The following DOCK10 variants were observed in gnomAD, a reference collection of about 807,000 sequenced individuals.
The protein encoded by DOCK10 is dedicator of cytokinesis protein 10.
A neutral mutation model predicts 280.1 loss-of-function variants in DOCK10; 145 were observed. The observed-to-expected ratio is 0.52, with a 90% CI of 0.45 to 0.59. The LOEUF (loss-of-function observed/expected upper bound fraction) is 0.59. Ranked by LOEUF, DOCK10 falls within the 20% of genes least tolerant of loss-of-function variation. The pLI, the probability that DOCK10 is intolerant of heterozygous loss-of-function variation, is 0.00. For missense variants in DOCK10, 2,368 were observed against 2,651.7 expected (o/e 0.89, Z 2.35); for synonymous variants, 915 against 942.2 (o/e 0.97, Z 0.53).
At chr2:224,952,688 G>A (rs1275367927) in intron 1 of DOCK10, among the ~76,000 whole-genome samples, 6 of 150,124 alleles carry the variant, frequency 4.0e-5, no homozygotes, top group Admixed American at 1.3e-4. Context: ...CGCCTCCCGG[G>A]TTCACGCCAT....
At chr2:224,874,378 T>C (rs1698497053) in intron 9 of DOCK10, 29 bp from the exon 10 acceptor site, 1 of 1,544,604 alleles carries the variant, frequency 6.5e-7, no homozygotes, top group African/African-American at 1.4e-5. Context: ...TAGTCCTTGG[T>C]ATCTAAATAT....
rs192097338 is a variant in DOCK10 at position 224,792,378 on chromosome 2, G to C, written c.5311+596C>G. 9.9e-5 allele frequency among the ~76,000 whole-genome samples: 15 copies of C among 152,196 alleles called. No homozygotes were observed. In the East Asian group the frequency reaches 2.9e-3, roughly 29 times the overall value. On this transcript the variant is annotated intron_variant, in intron 47 of 55. Transcript: ENST00000258390. ...GGCTCACTGCAACCTCCGCCTCCTG[G>C]GTTCAAGTGATTCTCCTGCTTCAGT...
intron 14 of DOCK10, 149 bp downstream of exon 14, chr2:224,862,515 C>A: frequency 1.6e-6 from 1 of 637,636 alleles, no homozygotes; most frequent in Non-Finnish European, 2.8e-6. Context: ...CTCAGAGAAG[C>A]TCAAGATGTT....
chr2:225,009,177 C>G (rs1258659923), intron 1 of DOCK10, among the ~76,000 whole-genome samples: 1 of 152,112 alleles, frequency 6.6e-6, no homozygotes, highest in African/African-American at 2.4e-5. Flanking sequence ...GTAAGGGGGT[C>G]ACAGATTAGG....
chr2:224,855,472 G>A (rs1407430578), intron 15 of DOCK10, among the ~76,000 whole-genome samples: 1 of 152,158 alleles, frequency 6.6e-6, no homozygotes, highest in Admixed American at 6.6e-5. Context: ...CAATCGCTAA[G>A]TGGATGGTCC....
chr2:224,830,509 A>T, intron 27 of DOCK10, 32 bp downstream of exon 27: 1 of 1,158,750 alleles, frequency 8.6e-7, no homozygotes, highest in Non-Finnish European at 1.2e-6. Context: ...TATTGTAAAA[A>T]TATTATAATA....
In DOCK10 at chr2:224,944,432, CACTTGTA is replaced by C. The variant is rs779271229; in HGVS notation, c.124-12771_124-12765del. Among the ~76,000 whole-genome samples, 10 of 152,214 alleles carry C rather than the reference CACTTGTA, an allele frequency of 6.6e-5. No individual in the cohort carries two copies. The South Asian group carries it at 1.2e-3, about 19-fold the overall frequency. ...TACACAACACTTGTAACTTTGGCAA[CACTTGTA>C]ACTTGTAACTGTTCAAGTTACACAA... is the stretch of plus-strand genomic sequence containing the variant. On this transcript the variant is annotated intron_variant, in intron 1 of 55. Coordinates refer to ENST00000258390, the MANE Select transcript of DOCK10 (RefSeq NM_014689.3).
chr2:224,984,786 G>C (rs930279033), intron 1 of DOCK10, among the ~76,000 whole-genome samples: 3 of 151,810 alleles, frequency 2.0e-5, no homozygotes, highest in Admixed American at 2.0e-4. Context: ...TGGGTTGTGG[G>C]AGACACAGAA....
chr2:224,865,916 C>T (rs2125634580), intron 11 of DOCK10, among the ~76,000 whole-genome samples: 1 of 152,074 alleles, frequency 6.6e-6, no homozygotes, highest in East Asian at 1.9e-4. Flanking sequence ...CTCTCTCTCT[C>T]TCTAACAGTC....
chr2:224,836,403 T>C (rs1695595659), intron 25 of DOCK10, among the ~76,000 whole-genome samples: 1 of 152,240 alleles, frequency 6.6e-6, no homozygotes, highest in South Asian at 2.1e-4. Context: ...GTGAAATAAC[T>C]ATTTTTGGCA....
At chr2:224,999,542 G>A (rs546325863) in intron 1 of DOCK10, among the ~76,000 whole-genome samples, 17 of 141,540 alleles carry the variant, frequency 1.2e-4, no homozygotes, top group African/African-American at 4.4e-4. Flanking sequence ...TCTATTTAAT[G>A]AAAATTTACT....
intron 2 of DOCK10, among the ~76,000 whole-genome samples, chr2:224,927,669 CTTTTTCATCCATAAAAGGGCATGAG>C: frequency 6.6e-6 from 1 of 152,186 alleles, no homozygotes; most frequent in African/African-American, 2.4e-5. Flanking sequence ...AATCAACTTG[CTTTTTCATCCATAAAAGGGCATGAG>C]CTCCTTAAAC....
chr2:225,025,489 T>C (rs552951201), intron 1 of DOCK10, among the ~76,000 whole-genome samples: 48 of 152,264 alleles, frequency 3.2e-4, no homozygotes, highest in Non-Finnish European at 6.0e-4. Flanking sequence ...TATTTAGAAA[T>C]GGTAGAAATG....
chr2:224,933,334 C>A (rs1294870230), intron 1 of DOCK10, among the ~76,000 whole-genome samples: 1 of 152,186 alleles, frequency 6.6e-6, no homozygotes, highest in African/African-American at 2.4e-5. Context: ...GCTCAAAAGG[C>A]AAATGCACGT....
rs149061022 is a variant in DOCK10, at chr2:224,924,282, C to T, written c.243+7267G>A. Among the ~76,000 whole-genome samples the T allele has an allele frequency of 2.2e-4, 33 of 152,230 alleles. 2 individuals carry two copies. In the East Asian group the frequency reaches 6.0e-3, roughly 28 times the overall value. ...TTGGTATATTCACAGAGTTGTGCAA[C>T]CATTACCACGATTTAATTACAGAAC... On this transcript the variant is annotated intron_variant, in intron 2 of 55. Transcript: ENST00000258390.
At chr2:224,897,060 TAGG>T (rs1297102267) in intron 3 of DOCK10, among the ~76,000 whole-genome samples, 1 of 152,226 alleles carries the variant, frequency 6.6e-6, no homozygotes, top group Non-Finnish European at 1.5e-5. Context: ...GAGTTCTTAG[TAGG>T]AAAAGATGTT....
rs1690463482 is a variant in DOCK10 at position 225,042,382 on chromosome 2, C to G, written c.-8G>C. The G allele has an allele frequency of 8.0e-7, 1 of 1,250,926 alleles. No individual in the cohort carries two copies. Among genetic ancestry groups the G allele is most frequent in the African/African-American group, 1.6e-5 (1 of 64,280 alleles). The allele number at this position is 1,250,926 out of a possible 1,614,324, so 77.5% of individuals were successfully genotyped here. ...GGTCCGCTCACCGGCCATCGCCGGT[C>G]ACGCCAATCGCGCCGCGGGCCCGGG... On this transcript the variant is annotated 5_prime_UTR_variant, in exon 1 of 56. Coordinates refer to ENST00000258390, the MANE Select transcript of DOCK10 (RefSeq NM_014689.3). This position sits in a 1 kb window ranked among gnomAD's most constrained non-coding sequence, Gnocchi z 5.1.
At chr2:225,000,086 T>C (rs111586776) in intron 1 of DOCK10, among the ~76,000 whole-genome samples, 38 of 152,202 alleles carry the variant, frequency 2.5e-4, no homozygotes, top group African/African-American at 8.4e-4. Flanking sequence ...TCATACACTT[T>C]CTATGCAAAA....
At chr2:224,808,521 C>T (rs981195186) in intron 31 of DOCK10, among the ~76,000 whole-genome samples, 3 of 151,922 alleles carry the variant, frequency 2.0e-5, no homozygotes, top group South Asian at 2.1e-4. Context: ...CTGGGAGAAG[C>T]GATTGGATTT....
Sources: gnomAD v4.1 joint callset for allele counts (sites outside exome capture counted in the v4.1 genomes callset) on GRCh38, gnomAD v4.1.1 for gene constraint, Gnocchi (gnomAD v3.1) non-coding constraint, MANE v1.5 for transcripts, NCBI Gene and HGNC (gene_info 2026-07-23, HGNC 2026-07-21) for gene names.